LARS2: variants seen among roughly 807,000 people sequenced by gnomAD.
LARS2 encodes leucine--tRNA ligase, mitochondrial.
A neutral mutation model predicts 116.6 loss-of-function variants in LARS2; 81 were observed. The ratio of observed to expected loss-of-function variants is 0.69; its 90% CI spans 0.58 to 0.84. LARS2 has a LOEUF of 0.84. Among genes scored for constraint, LARS2 ranks in the 40% least tolerant of loss-of-function variants. LARS2 has a pLI of 0.00. For synonymous variants in LARS2, 396 were observed against 407.2 expected (o/e 0.97, Z 0.33); for missense variants, 968 against 1,114.5 (o/e 0.87, Z 1.87).
At chr3:45,484,616 A>ATATATATAT (rs1381915093) in intron 10 of LARS2, among the ~76,000 whole-genome samples, 2 of 13,614 alleles carry the variant, frequency 1.5e-4, no homozygotes, top group East Asian at 4.8e-3. Flanking sequence ...AAAAAAAAAA[A>ATATATATAT]AAAAAAAAAA....
intron 21 of LARS2, among the ~76,000 whole-genome samples, chr3:45,546,435 G>A (rs1219354918): frequency 1.3e-5 from 2 of 152,148 alleles, no homozygotes; most frequent in Non-Finnish European, 1.5e-5. Flanking sequence ...TGTTTTATTC[G>A]TCCTCTCCCT....
At position 45,524,117 on chromosome 3, in the gene LARS2, C is replaced by T. The variant is rs764717990; in HGVS notation, c.2404+9C>T. ...CTCAGAGATCTGGGCAGGTACGTGG[C>T]AGAGTCCTTTTTTGACCAGTTACTA... is the stretch of plus-strand genomic sequence containing the variant. On this transcript the variant is annotated intron_variant, in intron 20 of 21. Transcript: ENST00000645846. 1 of 1,572,538 alleles carries T rather than the reference C, an allele frequency of 6.4e-7. No homozygotes were observed. Among genetic ancestry groups the T allele is most frequent in the East Asian group, 2.2e-5 (1 of 44,642 alleles).
At chr3:45,498,343 G>A (rs1051305232) in intron 14 of LARS2, among the ~76,000 whole-genome samples, 4 of 152,200 alleles carry the variant, frequency 2.6e-5, no homozygotes, top group African/African-American at 9.7e-5. Context: ...CTGAGCTGTA[G>A]CTACTTTCAA....
chr3:45,389,733 G>A (rs1316996362), intron 1 of LARS2, among the ~76,000 whole-genome samples: 2 of 152,152 alleles, frequency 1.3e-5, no homozygotes, highest in South Asian at 2.1e-4. Flanking sequence ...GGAAGTAAAG[G>A]GCCAAGTTGA....
intron 3 of LARS2, among the ~76,000 whole-genome samples, chr3:45,395,097 C>T (rs1698022899): frequency 6.6e-6 from 1 of 152,190 alleles, no homozygotes; most frequent in South Asian, 2.1e-4. Flanking sequence ...GGTGGGGCAG[C>T]ACACAGGGAT....
In LARS2 at chr3:45,548,728, T is replaced by G. The variant is rs1700908942; in HGVS notation, c.*1198T>G. 1 of 152,262 alleles carries G rather than the reference T, an allele frequency of 6.6e-6. No individual in the cohort carries two copies. Among genetic ancestry groups the G allele is most frequent in the Non-Finnish European group, 1.5e-5 (1 of 68,050 alleles). 9.4% of individuals were successfully genotyped at this position (152,262 alleles called of 1,614,324 possible). The stretch of plus-strand genomic sequence containing the variant: ...GCCATTTTATAATGCCAGAAATCTA[T>G]ATATGTTATCTGATGCCATTTTTCT... On this transcript the variant is annotated 3_prime_UTR_variant, in exon 22 of 22. Coordinates refer to ENST00000645846, the MANE Select transcript of LARS2 (RefSeq NM_015340.4).
intron 1 of LARS2, among the ~76,000 whole-genome samples, chr3:45,390,145 A>G (rs911240500): frequency 2.0e-5 from 3 of 151,702 alleles, no homozygotes; most frequent in Non-Finnish European, 2.9e-5. Context: ...TAAAAAATGC[A>G]TATTTCTTTT....
rs780738370 is a variant in LARS2, at chr3:45,513,138, G to T, written c.1764G>T (p.Glu588Asp). The change falls in exon 16 of 22, where the codon GAG becomes GAT. Residue 588 changes from glutamate to aspartate, a missense_variant. Physicochemically the swap from Glu to Asp is conservative, Grantham distance 45. Transcript: ENST00000645846. Reference sequence around the variant, plus strand: ...TTTTCCTGTCATCTTTCCTCAGGGAGCCTTTTCATAAGCTGCTGGCCCAAG... The same window carrying T: ...TTTTCCTGTCATCTTTCCTCAGGGATCCTTTTCATAAGCTGCTGGCCCAAG... ...CHDQKMVKHR[E>D]PFHKLLAQGL... 1.2e-5 allele frequency: 19 copies of T among 1,607,836 alleles called. No homozygotes were observed. The highest frequency in any genetic ancestry group is 1.7e-5 in the Admixed American group (1 of 59,982).
At chr3:45,470,469 T>C (rs533474550) in intron 8 of LARS2, among the ~76,000 whole-genome samples, 1 of 152,332 alleles carries the variant, frequency 6.6e-6, no homozygotes. Flanking sequence ...TCTGTTTCAA[T>C]TTCTTCAAAC....
chr3:45,471,878 A>C (rs185582445), intron 8 of LARS2, among the ~76,000 whole-genome samples: 92 of 152,360 alleles, frequency 6.0e-4, no homozygotes, highest in Non-Finnish European at 1.1e-3. Context: ...ATTGTTTATT[A>C]ACATATTAGT....
At chr3:45,500,101 A>T (rs577581689) in intron 14 of LARS2, among the ~76,000 whole-genome samples, 8 of 152,296 alleles carry the variant, frequency 5.3e-5, no homozygotes, top group South Asian at 2.1e-4. Flanking sequence ...TCCCGGGTTC[A>T]AGTGGTTCTC....
intron 6 of LARS2, among the ~76,000 whole-genome samples, chr3:45,443,106 C>G (rs1187928062): frequency 6.6e-6 from 1 of 152,116 alleles, no homozygotes; most frequent in Non-Finnish European, 1.5e-5. Flanking sequence ...CTCTGGGGAA[C>G]AAAATTTTCC....
At chr3:45,429,829 G>A (rs540822926) in intron 6 of LARS2, among the ~76,000 whole-genome samples, 16 of 147,972 alleles carry the variant, frequency 1.1e-4, no homozygotes, top group Admixed American at 4.1e-4. Context: ...AGCCTCCCAA[G>A]TAGCTGGGAC....
At chr3:45,493,304 T>C (rs960472130) in intron 13 of LARS2, among the ~76,000 whole-genome samples, 4 of 152,200 alleles carry the variant, frequency 2.6e-5, no homozygotes, top group Non-Finnish European at 5.9e-5. Context: ...TTTCACCGTG[T>C]TAGCCAGGAT....
At chr3:45,469,462 C>T (rs1416279659) in intron 8 of LARS2, among the ~76,000 whole-genome samples, 1 of 152,152 alleles carries the variant, frequency 6.6e-6, no homozygotes, top group African/African-American at 2.4e-5. Flanking sequence ...TCTCCTGCCT[C>T]AGCCTCCCGA....
In LARS2 at chr3:45,417,580, G is replaced by A. The variant is rs780745220; in HGVS notation, c.455+7G>A. The stretch of plus-strand genomic sequence containing the variant: ...CACAAAGTTGGACACAAAGGTAAGT[G>A]TTTACAGGCATATTCAAATACTTGC... On this transcript the variant is annotated splice_region_variant and intron_variant, in intron 5 of 21. Coordinates refer to ENST00000645846, the MANE Select transcript of LARS2 (RefSeq NM_015340.4). The A allele has an allele frequency of 3.7e-6, 6 of 1,605,384 alleles. No individual in the cohort carries two copies. Among genetic ancestry groups the A allele is most frequent in the Non-Finnish European group, 4.3e-6 (5 of 1,172,350 alleles).
intron 8 of LARS2, among the ~76,000 whole-genome samples, chr3:45,465,311 T>C (rs1189622004): frequency 6.6e-6 from 1 of 152,224 alleles, no homozygotes; most frequent in Non-Finnish European, 1.5e-5. Flanking sequence ...TAAACTGAAC[T>C]CTCTGCTTTT....
chr3:45,465,902 G>A (rs570249536), intron 8 of LARS2, among the ~76,000 whole-genome samples: 3 of 152,232 alleles, frequency 2.0e-5, no homozygotes, highest in South Asian at 2.1e-4. Context: ...TCCACTGTCC[G>A]TCCCTGTCAG....
At chr3:45,493,438 T>A (rs931196361) in intron 13 of LARS2, among the ~76,000 whole-genome samples, 4 of 152,184 alleles carry the variant, frequency 2.6e-5, no homozygotes, top group Non-Finnish European at 5.9e-5. Flanking sequence ...TGAGAGCTAC[T>A]GAGCCAGTGT....
Sources: gnomAD v4.1 joint callset for allele counts (sites outside exome capture counted in the v4.1 genomes callset) on GRCh38, gnomAD v4.1.1 for gene constraint, MANE v1.5 for transcripts, NCBI Gene and HGNC (gene_info 2026-07-23, HGNC 2026-07-21) for gene names.